Variants in PTPRN2 observed in about 807,000 individuals in gnomAD.
The protein encoded by PTPRN2 is protein tyrosine phosphatase receptor type N2, also known as receptor-type tyrosine-protein phosphatase N2.
PTPRN2 carries 74 observed loss-of-function variants against 118.8 expected under a neutral mutation model. The ratio of observed to expected loss-of-function variants is 0.62; its 90% CI spans 0.52 to 0.76. The LOEUF (loss-of-function observed/expected upper bound fraction) is 0.76. Among genes scored for constraint, PTPRN2 ranks in the 30% least tolerant of loss-of-function variants. The pLI is 0.00. For missense variants in PTPRN2, 1,481 were observed against 1,394.4 expected (o/e 1.06, Z -0.99); for synonymous variants, 641 against 608.0 (o/e 1.05, Z -0.80).
intron 10 of PTPRN2, among the ~76,000 whole-genome samples, chr7:158,084,318 A>C (rs1467835226): frequency 7.2e-6 from 1 of 139,530 alleles, no homozygotes; most frequent in East Asian, 2.5e-4. Context: ...TGCAGGTGGC[A>C]GATGGCTGAG....
Position 157,787,802 on chromosome 7 carries a change from G to C in PTPRN2, c.1789-104865C>G, listed in dbSNP as rs1804166971. On this transcript the variant is annotated intron_variant, in intron 12 of 22. Coordinates refer to ENST00000389418, the MANE Select transcript of PTPRN2 (RefSeq NM_002847.5). The surrounding 1 kb of genome is among the most constrained non-coding windows in gnomAD (Gnocchi z 5.3). The stretch of plus-strand genomic sequence containing the variant: ...TGCTCATGGCTGGGGGAGGCACCTG[G>C]GGGCCCCGTCCAAGCTGCCAAGGGC... Among the ~76,000 whole-genome samples, 1 of 152,148 alleles carries C rather than the reference G, an allele frequency of 6.6e-6. No individual in the cohort carries two copies. The highest frequency in any genetic ancestry group is 1.5e-5 in the Non-Finnish European group (1 of 68,024).
In PTPRN2 at chr7:158,210,764, C is replaced by T. The variant is rs374394539; in HGVS notation, c.278-5491G>A. ...CACATAGAATCTACCAGGACTGAAC[C>T]ATGAAGAAATCAAAAACCTGAACAG... On this transcript the variant is annotated intron_variant, in intron 3 of 22. Coordinates refer to ENST00000389418, the MANE Select transcript of PTPRN2 (RefSeq NM_002847.5). Among the ~76,000 whole-genome samples, 11 of 152,188 alleles carry T rather than the reference C, an allele frequency of 7.2e-5. No individual in the cohort carries two copies. The East Asian group carries it at 7.7e-4, about 11-fold the overall frequency.
chr7:157,740,102 C>T (rs568340667), intron 12 of PTPRN2, among the ~76,000 whole-genome samples: 2 of 152,322 alleles, frequency 1.3e-5, no homozygotes, highest in South Asian at 2.1e-4. Context: ...CCAGCAGGAC[C>T]CCTTCCTCCA....
At position 157,619,024 on chromosome 7, in the gene PTPRN2, C is replaced by T. The variant is rs1802982746; in HGVS notation, c.2344+2338G>A. Among the ~76,000 whole-genome samples the T allele has an allele frequency of 1.3e-5, 2 of 152,114 alleles. No homozygotes were observed. Among genetic ancestry groups the T allele is most frequent in the South Asian group, 4.1e-4 (2 of 4,826 alleles). On this transcript the variant is annotated intron_variant, in intron 15 of 22. Transcript: ENST00000389418. The surrounding 1 kb of genome is among the most constrained non-coding windows in gnomAD (Gnocchi z 5.3). ...CCCCATGAGAACATCAGGCGCCCAT[C>T]CACATGTGGCCACCCTGTTGGCACC...
At chr7:157,719,408 C>T (rs1799112878) in intron 12 of PTPRN2, among the ~76,000 whole-genome samples, 1 of 152,264 alleles carries the variant, frequency 6.6e-6, no homozygotes, top group Non-Finnish European at 1.5e-5. Flanking sequence ...AAGGCCACAG[C>T]ACTGCCGTCA....
chr7:157,842,545 G>C (rs1808507248), intron 12 of PTPRN2, among the ~76,000 whole-genome samples: 1 of 151,252 alleles, frequency 6.6e-6, no homozygotes, highest in Non-Finnish European at 1.5e-5. Flanking sequence ...CTCCTGAGTA[G>C]CTGGAATTAC....
chr7:158,447,779 C>A (rs1158855282), intron 2 of PTPRN2, among the ~76,000 whole-genome samples: 1 of 152,244 alleles, frequency 6.6e-6, no homozygotes, highest in Admixed American at 6.5e-5. Flanking sequence ...GACCTCTCTG[C>A]GCAGGTGCCG....
intron 12 of PTPRN2, among the ~76,000 whole-genome samples, chr7:157,717,563 C>G (rs1798986515): frequency 6.6e-6 from 1 of 152,268 alleles, no homozygotes; most frequent in African/African-American, 2.4e-5. Context: ...AGAGAAAGAG[C>G]TCGGAGGTCT....
chr7:157,983,817 TAATGCAGTTCATCAGCTCA>T (rs1200870480), intron 11 of PTPRN2, among the ~76,000 whole-genome samples: 1 of 152,206 alleles, frequency 6.6e-6, no homozygotes, highest in Non-Finnish European at 1.5e-5. Flanking sequence ...TGTCTGGACG[TAATGCAGTTCATCAGCTCA>T]AAAGCTGTGG....
At chr7:157,557,423 C>T (rs1458890685) in intron 21 of PTPRN2, among the ~76,000 whole-genome samples, 1 of 151,820 alleles carries the variant, frequency 6.6e-6, no homozygotes, top group Non-Finnish European at 1.5e-5. Flanking sequence ...GCTCACACTG[C>T]ACACAAACAT....
chr7:158,466,155 G>A lies in PTPRN2; in HGVS notation c.163+23580C>T, dbSNP rs73729629. ...ACTGTGGTCAAGAGTTAACACCTCT[G>A]CCTCCACCCTCTCCTAGAGGCACCC... On this transcript the variant is annotated intron_variant, in intron 2 of 22. Transcript: ENST00000389418. Among the ~76,000 whole-genome samples, 762 of 152,244 alleles carry A rather than the reference G, an allele frequency of 5.0e-3. 7 individuals are homozygous for A. Among genetic ancestry groups the A allele is most frequent in the African/African-American group, 0.017 (725 of 41,554 alleles).
intron 12 of PTPRN2, among the ~76,000 whole-genome samples, chr7:157,827,450 A>G (rs1689300403): frequency 6.6e-6 from 1 of 151,888 alleles, no homozygotes; most frequent in African/African-American, 2.4e-5. Flanking sequence ...GCTCGATCAG[A>G]ATGTCCCTGG....
intron 12 of PTPRN2, among the ~76,000 whole-genome samples, chr7:157,699,358 A>G (rs1585260956): frequency 6.6e-6 from 1 of 152,250 alleles, no homozygotes; most frequent in East Asian, 1.9e-4. Flanking sequence ...TTTTGATTTT[A>G]TATTGCAAAT....
chr7:157,768,458 CG>C (rs1387697335), intron 12 of PTPRN2, among the ~76,000 whole-genome samples: 2 of 152,158 alleles, frequency 1.3e-5, no homozygotes, highest in Admixed American at 6.5e-5. Flanking sequence ...GGACGCCCCA[CG>C]CTGGCCTCCC....
chr7:158,048,612 C>T (rs1342330874), intron 11 of PTPRN2, among the ~76,000 whole-genome samples: 1 of 102,688 alleles, frequency 9.7e-6, no homozygotes, highest in Non-Finnish European at 2.1e-5. Context: ...TCATCAATCA[C>T]ATCACCACTA....
At chr7:158,156,545 AAC>A (rs1260081329) in intron 6 of PTPRN2, among the ~76,000 whole-genome samples, 2 of 152,192 alleles carry the variant, frequency 1.3e-5, no homozygotes. Flanking sequence ...TCGTAATGGG[AAC>A]AGTTACCTCG....
intron 3 of PTPRN2, among the ~76,000 whole-genome samples, chr7:158,268,652 G>A (rs1798070803): frequency 1.4e-5 from 2 of 143,224 alleles, no homozygotes; most frequent in Admixed American, 1.4e-4. Context: ...CACACACAGG[G>A]CGGGTGTGAA....
intron 11 of PTPRN2, among the ~76,000 whole-genome samples, chr7:158,041,718 T>C (rs1318800053): frequency 6.6e-6 from 1 of 152,168 alleles, no homozygotes; most frequent in Non-Finnish European, 1.5e-5. Flanking sequence ...AGTCAATATT[T>C]AGTCTCTTGA....
rs1237391224 is a variant in PTPRN2 at position 158,015,282 on chromosome 7, T to C, written c.1723+66016A>G. 6.6e-6 allele frequency among the ~76,000 whole-genome samples: 1 copy of C among 152,242 alleles called. No homozygotes were observed. Among genetic ancestry groups the C allele is most frequent in the African/African-American group, 2.4e-5 (1 of 41,464 alleles). On this transcript the variant is annotated intron_variant, in intron 11 of 22. Transcript: ENST00000389418. The surrounding 1 kb of genome is among the most constrained non-coding windows in gnomAD (Gnocchi z 4.2). The stretch of plus-strand genomic sequence containing the variant: ...TGATCTTTGAACTTCTCTAAGCCAT[T>C]ATACCTTTAGTTCCCTCTTCCCCAC...
Sources: allele counts gnomAD v4.1 joint callset (sites outside exome capture counted in the v4.1 genomes callset), GRCh38; gene constraint gnomAD v4.1.1; non-coding constraint Gnocchi (gnomAD v3.1); transcripts MANE v1.5; gene names NCBI Gene and HGNC (gene_info 2026-07-23, HGNC 2026-07-21).